The following DAAM2 variants were observed in gnomAD, a reference collection of about 807,000 sequenced individuals.
The protein encoded by DAAM2 is dishevelled associated activator of morphogenesis 2.
Under a neutral mutation model 120.7 loss-of-function variants are expected in DAAM2, and 39 were observed. The ratio of observed to expected loss-of-function variants is 0.32; its 90% CI spans 0.25 to 0.42. DAAM2 has a LOEUF of 0.42. DAAM2 is among the 10% of genes least tolerant of loss of function. The pLI, the probability that DAAM2 is intolerant of heterozygous loss-of-function variation, is 1.00. For missense variants in DAAM2, 1,283 were observed against 1,401.7 expected (o/e 0.92, Z 1.35); for synonymous variants, 488 against 524.9 (o/e 0.93, Z 0.96).
chr6:39,813,566 A>T lies in DAAM2; in HGVS notation c.-57+21101A>T, dbSNP rs528458260. 9.9e-5 allele frequency among the ~76,000 whole-genome samples: 15 copies of T among 151,796 alleles called. No individual in the cohort carries two copies. The South Asian group carries it at 1.3e-3, about 13-fold the overall frequency. On this transcript the variant is annotated intron_variant, in intron 1 of 24. Transcript: ENST00000274867. ...AGGAGGATATGAAGTTGCTTTTTTT[A>T]AAAAAAATTCTCTCCTTTATTATAA...
In DAAM2 at chr6:39,856,282, GC is replaced by G; in HGVS notation, c.-16del. The stretch of plus-strand genomic sequence containing the variant: ...GGACCTAGGGCATCTGTCTGCTGAC[GC>G]CCCCTGGCCTGCAGTGACCATGGCC... On this transcript the variant is annotated 5_prime_UTR_variant, in exon 2 of 25. Coordinates refer to ENST00000274867, the MANE Select transcript of DAAM2 (RefSeq NM_001201427.2). 9.5e-6 allele frequency: 14 copies of G among 1,468,488 alleles called. No homozygotes were observed. Among genetic ancestry groups the G allele is most frequent in the Admixed American group, 5.2e-5 (2 of 38,542 alleles). The allele number at this position is 1,468,488 out of a possible 1,614,324, so 91.0% of individuals were successfully genotyped here. A position where few individuals can be genotyped will look rare whatever the true frequency, so the allele number is the denominator to read the frequency against.
At chr6:39,872,077 G>A (rs1414669836) in intron 9 of DAAM2, among the ~76,000 whole-genome samples, 1 of 152,130 alleles carries the variant, frequency 6.6e-6, no homozygotes, top group African/African-American at 2.4e-5. Context: ...ATTGGATGGT[G>A]AGGAGCCCAC....
intron 1 of DAAM2, among the ~76,000 whole-genome samples, chr6:39,803,598 T>C (rs79039728): frequency 1.1e-3 from 165 of 152,246 alleles, no homozygotes; most frequent in African/African-American, 3.8e-3. Flanking sequence ...CCTAAGATGT[T>C]AGAAGCAGAA....
At chr6:39,817,512 A>G (rs1484392556) in intron 1 of DAAM2, among the ~76,000 whole-genome samples, 1 of 152,154 alleles carries the variant, frequency 6.6e-6, no homozygotes, top group Non-Finnish European at 1.5e-5. Flanking sequence ...AGGAAAAGGG[A>G]GTCTGGTCCT....
chr6:39,820,511 C>T (rs1315157333), intron 1 of DAAM2: 1 of 152,264 alleles, frequency 6.6e-6, no homozygotes, highest in Non-Finnish European at 1.5e-5. Flanking sequence ...TTTATCTTCT[C>T]GCTCTAGTCT....
At chr6:39,840,897 G>A (rs1315681679) in intron 1 of DAAM2, among the ~76,000 whole-genome samples, 1 of 151,800 alleles carries the variant, frequency 6.6e-6, no homozygotes. Flanking sequence ...AGGATGCTAA[G>A]GAGGAGGAAG....
chr6:39,869,809 T>C (rs1359698233), intron 7 of DAAM2, among the ~76,000 whole-genome samples: 1 of 148,244 alleles, frequency 6.7e-6, no homozygotes, highest in Non-Finnish European at 1.5e-5. Context: ...TGCCCTGGGT[T>C]AGGGAAGGCC....
chr6:39,817,263 C>G (rs1165652835), intron 1 of DAAM2, among the ~76,000 whole-genome samples: 2 of 152,212 alleles, frequency 1.3e-5, no homozygotes, highest in Non-Finnish European at 2.9e-5. Flanking sequence ...CTGGGTTTCT[C>G]TCCTTGCCCC....
chr6:39,901,191 G>A lies in DAAM2; in HGVS notation c.2812-111G>A. On this transcript the variant is annotated intron_variant, in intron 23 of 24. Coordinates refer to ENST00000274867, the MANE Select transcript of DAAM2 (RefSeq NM_001201427.2). The surrounding 1 kb of genome is among the most constrained non-coding windows in gnomAD (Gnocchi z 4.5). ...TCCAGCCCTGCCCCCTGTGCCAACA[G>A]TCCCCAGCCTTGCGCTGGGCTCTGC... 1 of 960,898 alleles carries A rather than the reference G, an allele frequency of 1.0e-6. No homozygotes were observed. Among genetic ancestry groups the A allele is most frequent in the Non-Finnish European group, 1.6e-6 (1 of 629,408 alleles). 59.5% of individuals were successfully genotyped at this position (960,898 alleles called of 1,614,324 possible). A position where few individuals can be genotyped will look rare whatever the true frequency, so the allele number is the denominator to read the frequency against.
intron 1 of DAAM2, among the ~76,000 whole-genome samples, chr6:39,800,118 A>G (rs2113999237): frequency 6.6e-6 from 1 of 152,268 alleles, no homozygotes; most frequent in Non-Finnish European, 1.5e-5. Context: ...TGAGGTGGTC[A>G]TTTTGTCATC....
chr6:39,798,470 A>C (rs542124771), intron 1 of DAAM2, among the ~76,000 whole-genome samples: 1 of 152,312 alleles, frequency 6.6e-6, no homozygotes, highest in East Asian at 1.9e-4. Flanking sequence ...AGATCAAGGG[A>C]TGAAGTAGGA....
chr6:39,889,068 C>T (rs1362572890), intron 17 of DAAM2: 1 of 212,000 alleles, frequency 4.7e-6, no homozygotes, highest in African/African-American at 2.3e-5. Flanking sequence ...AGAAAACACA[C>T]AAAGAAACAT....
intron 10 of DAAM2, among the ~76,000 whole-genome samples, chr6:39,874,452 A>C (rs1207929614): frequency 6.6e-6 from 1 of 152,172 alleles, no homozygotes; most frequent in East Asian, 1.9e-4. Flanking sequence ...GGGCATAGAA[A>C]TCTCTGGGAA....
rs1483982260 is a variant in DAAM2 at position 39,904,478 on chromosome 6, A to G, written c.*2441A>G. 2.2e-6 allele frequency: 1 copy of G among 454,352 alleles called. No individual in the cohort carries two copies. Among genetic ancestry groups the G allele is most frequent in the East Asian group, 6.9e-5 (1 of 14,394 alleles). The allele number at this position is 454,352 out of a possible 1,614,324, so 28.1% of individuals were successfully genotyped here. ...TCATGCCCTCCCCACTGCTCCTGCCACCTTTAGATAAGTTTCTCTAGCTAA... is the reference window on the plus strand; with the variant it reads ...TCATGCCCTCCCCACTGCTCCTGCCGCCTTTAGATAAGTTTCTCTAGCTAA... On this transcript the variant is annotated 3_prime_UTR_variant, in exon 25 of 25. Coordinates refer to ENST00000274867, the MANE Select transcript of DAAM2 (RefSeq NM_001201427.2).
At chr6:39,895,227 C>CTTACTTACTTAT (rs375299409) in intron 19 of DAAM2, among the ~76,000 whole-genome samples, 2 of 137,750 alleles carry the variant, frequency 1.5e-5, no homozygotes, top group African/African-American at 6.1e-5. Context: ...ACTTTATTTA[C>CTTACTTACTTAT]TTATTTATTT....
chr6:39,899,539 G>A (rs1766344828), intron 22 of DAAM2: 1 of 158,290 alleles, frequency 6.3e-6, no homozygotes, highest in East Asian at 1.9e-4. Flanking sequence ...ACTGAGGAGA[G>A]AGGCAGTGGG....
rs375742226 is a variant in DAAM2 at position 39,879,573 on chromosome 6, G to A, written c.1845+96G>A. 1.0e-5 allele frequency: 16 copies of A among 1,537,878 alleles called. No individual in the cohort carries two copies. In the East Asian group the frequency reaches 1.6e-4, roughly 15 times the overall value. ...CCCCTTGTTTACAGATCTCCACTCT[G>A]GGTCCTTTCTTTGGTGGGGGGTAAG... On this transcript the variant is annotated intron_variant, in intron 14 of 24. Transcript: ENST00000274867.
chr6:39,883,636 C>A (rs1765236424), intron 14 of DAAM2: 2 of 281,060 alleles, frequency 7.1e-6, no homozygotes, highest in Non-Finnish European at 1.4e-5. Context: ...AGTGCAGCTT[C>A]TGACTTTGCT....
At chr6:39,898,002 G>A (rs1766222253) in intron 21 of DAAM2, among the ~76,000 whole-genome samples, 1 of 152,090 alleles carries the variant, frequency 6.6e-6, no homozygotes, top group South Asian at 2.1e-4. Context: ...TCTGCTTCTG[G>A]GAAAAACCAA....
Sources: gnomAD v4.1 joint callset for allele counts (sites outside exome capture counted in the v4.1 genomes callset) on GRCh38, gnomAD v4.1.1 for gene constraint, Gnocchi (gnomAD v3.1) non-coding constraint, MANE v1.5 for transcripts, NCBI Gene and HGNC (gene_info 2026-07-23, HGNC 2026-07-21) for gene names.